Variants in HYCC1 observed in about 807,000 individuals in gnomAD.
HYCC1 encodes the protein hyccin PI4KA lipid kinase complex subunit 1.
chr7:22,988,821 A>G, the HYCC1 span, among the ~76,000 whole-genome samples: 2 of 152,160 alleles, frequency 1.3e-5, no homozygotes, highest in African/African-American at 2.4e-5. Context: ...GCTCAATGTA[A>G]CCAATCTACC....
At chr7:22,930,381 G>A in the HYCC1 span, among the ~76,000 whole-genome samples, 22,438 of 106,932 alleles carry the variant, frequency 0.21, 1,953 homozygotes, top group East Asian at 0.36. Flanking sequence ...AAAGTAAAAA[G>A]AAAAAGAAAA....
chr7:22,903,639 A>G, the HYCC1 span, among the ~76,000 whole-genome samples: 1 of 152,250 alleles, frequency 6.6e-6, no homozygotes, highest in African/African-American at 2.4e-5. Context: ...CAATCAAGGA[A>G]GAAATAATAC....
At chr7:22,903,166 T>C in the HYCC1 span, among the ~76,000 whole-genome samples, 4 of 152,212 alleles carry the variant, frequency 2.6e-5, no homozygotes, top group African/African-American at 9.6e-5. Context: ...AGTTCAGTGG[T>C]TTCTCAAAAG....
At chr7:22,983,320 C>A in the HYCC1 span, among the ~76,000 whole-genome samples, 25 of 146,350 alleles carry the variant, frequency 1.7e-4, no homozygotes, top group East Asian at 4.7e-3. Flanking sequence ...CAAAATGAGA[C>A]CCTGTCTCAA....
At chr7:22,969,318 TTGTGTGTG>T in the HYCC1 span, among the ~76,000 whole-genome samples, 7 of 148,396 alleles carry the variant, frequency 4.7e-5, no homozygotes, top group Non-Finnish European at 9.0e-5. Context: ...CCTGTTTATT[TTGTGTGTG>T]TGTGTGTGTG....
the HYCC1 span, chr7:22,935,193 A>G: frequency 3.3e-5 from 5 of 152,200 alleles, no homozygotes; most frequent in Non-Finnish European, 5.9e-5. Flanking sequence ...GTTGTTCTCA[A>G]TGAGTGTTGC....
chr7:22,946,070 G>A, the HYCC1 span: 111 of 1,613,382 alleles, frequency 6.9e-5, no homozygotes, highest in Middle Eastern at 1.6e-4. Context: ...TGATAAACCC[G>A]ACTGGCTGGT....
chr7:23,007,461 T>C, the HYCC1 span, among the ~76,000 whole-genome samples: 1 of 152,102 alleles, frequency 6.6e-6, no homozygotes. Flanking sequence ...TTATGCAAAA[T>C]ACTTAGTACA....
the HYCC1 span, among the ~76,000 whole-genome samples, chr7:22,962,321 T>A: frequency 1.3e-5 from 2 of 152,164 alleles, no homozygotes; most frequent in African/African-American, 4.8e-5. Context: ...TGGGAGCCTG[T>A]ATCCACCACA....
chr7:22,959,093 A>T, the HYCC1 span, among the ~76,000 whole-genome samples: 8 of 152,196 alleles, frequency 5.3e-5, no homozygotes, highest in African/African-American at 1.7e-4. Flanking sequence ...AAGTATGTTT[A>T]GACTATATGT....
At chr7:22,932,433 G>T in the HYCC1 span, among the ~76,000 whole-genome samples, 1 of 152,242 alleles carries the variant, frequency 6.6e-6, no homozygotes, top group East Asian at 1.9e-4. Flanking sequence ...CAGGAAACCT[G>T]TTGGCTAACA....
chr7:22,901,174 T>C, the HYCC1 span, among the ~76,000 whole-genome samples: 1 of 137,236 alleles, frequency 7.3e-6, no homozygotes, highest in Non-Finnish European at 1.5e-5. Flanking sequence ...TAAGCCATGA[T>C]TGCACCACTG....
the HYCC1 span, among the ~76,000 whole-genome samples, chr7:22,995,935 G>C: frequency 6.6e-6 from 1 of 152,150 alleles, no homozygotes; most frequent in African/African-American, 2.4e-5. Context: ...AATGATTACA[G>C]ACATGAGCCA....
chr7:23,002,136 GTATATATATATATA>G, the HYCC1 span, among the ~76,000 whole-genome samples: 14 of 76,604 alleles, frequency 1.8e-4, no homozygotes, highest in African/African-American at 3.0e-4. Flanking sequence ...GGTAAAAATT[GTATATATATATATA>G]TATATATATA....
At chr7:22,981,746 A>T in the HYCC1 span, among the ~76,000 whole-genome samples, 122 of 152,360 alleles carry the variant, frequency 8.0e-4, no homozygotes, top group Non-Finnish European at 1.5e-3. Flanking sequence ...GATCCAAGTG[A>T]GTGATTAGCA....
the HYCC1 span, chr7:22,977,250 G>T: frequency 4.9e-6 from 4 of 816,216 alleles, no homozygotes; most frequent in Admixed American, 5.4e-5. Context: ...CTAATAAATT[G>T]ATCAATTTTT....
the HYCC1 span, among the ~76,000 whole-genome samples, chr7:22,991,449 A>G: frequency 6.6e-6 from 1 of 151,126 alleles, no homozygotes; most frequent in Non-Finnish European, 1.5e-5. Context: ...CAAAAAGATC[A>G]TTTATCTTAA....
chr7:22,966,736 C>T, the HYCC1 span, among the ~76,000 whole-genome samples: 2 of 152,078 alleles, frequency 1.3e-5, no homozygotes, highest in Admixed American at 1.3e-4. Context: ...TCTAAGTATG[C>T]CACAGACCAT....
the HYCC1 span, chr7:22,937,075 T>C: frequency 6.6e-6 from 1 of 152,120 alleles, no homozygotes; most frequent in Admixed American, 6.6e-5. Context: ...GGAATTAGAA[T>C]AGAGGAAGAA....
Sources: allele counts gnomAD v4.1 joint callset (sites outside exome capture counted in the v4.1 genomes callset), GRCh38; gene constraint gnomAD v4.1.1; transcripts MANE v1.5; gene names NCBI Gene and HGNC (gene_info 2026-07-23, HGNC 2026-07-21).